The following TMEM184B variants were observed in gnomAD, a reference collection of about 807,000 sequenced individuals.
TMEM184B encodes transmembrane protein 184B.
Under a neutral mutation model 41.8 loss-of-function variants are expected in TMEM184B, and 17 were observed. That is an observed-to-expected ratio of 0.41 (90% CI 0.28 to 0.61). TMEM184B has a LOEUF of 0.61. TMEM184B is among the 20% of genes least tolerant of loss of function. The pLI, the probability that TMEM184B is intolerant of heterozygous loss-of-function variation, is 0.34. For missense variants in TMEM184B, 393 were observed against 557.8 expected (o/e 0.70, Z 2.98); for synonymous variants, 240 against 229.5 (o/e 1.05, Z -0.41).
rs1016844476 is a variant in TMEM184B, at chr22:38,229,113, C to G, written c.525+1556G>C. 5.9e-5 allele frequency among the ~76,000 whole-genome samples: 9 copies of G among 152,394 alleles called. No homozygotes were observed. The East Asian group carries it at 1.7e-3, about 29-fold the overall frequency. On this transcript the variant is annotated intron_variant, in intron 5 of 8. Coordinates refer to ENST00000361906, the MANE Select transcript of TMEM184B (RefSeq NM_012264.5). ...GGTGGAGGCTTTGTGGGTGTGCCCG[C>G]CCTGTGGCCTGGGCCCTGCACAGAA...
chr22:38,219,774 G>A lies in TMEM184B; in HGVS notation c.*1695C>T, dbSNP rs745866970. 79 of 985,494 alleles carry A rather than the reference G, an allele frequency of 8.0e-5. No individual in the cohort carries two copies. Among genetic ancestry groups the A allele is most frequent in the Non-Finnish European group, 9.3e-5 (77 of 830,070 alleles). The allele number at this position is 985,494 out of a possible 1,614,324, so 61.0% of individuals were successfully genotyped here. On this transcript the variant is annotated 3_prime_UTR_variant, in exon 9 of 9. Coordinates refer to ENST00000361906, the MANE Select transcript of TMEM184B (RefSeq NM_012264.5). Reference sequence around the variant, plus strand: ...AGACAGCTTGGTGAAAGCAGATGGCGGGGCAGGGCCAGGGCTGGTCCTCAG... The same window carrying A: ...AGACAGCTTGGTGAAAGCAGATGGCAGGGCAGGGCCAGGGCTGGTCCTCAG...
At position 38,219,661 on chromosome 22, in the gene TMEM184B, G is replaced by A. The variant is rs925183296; in HGVS notation, c.*1808C>T. ...CCACTGAGCTCCCCCCACCCTCCAC[G>A]CAAACAGCAACGCTGGGCAGGCGAA... On this transcript the variant is annotated 3_prime_UTR_variant, in exon 9 of 9. Coordinates refer to ENST00000361906, the MANE Select transcript of TMEM184B (RefSeq NM_012264.5). 10 of 985,394 alleles carry A rather than the reference G, an allele frequency of 1.0e-5. No homozygotes were observed. In the East Asian group the frequency reaches 5.7e-4, roughly 56 times the overall value. 61.0% of individuals were successfully genotyped at this position (985,394 alleles called of 1,614,324 possible).
chr22:38,237,422 A>G (rs2091802687), intron 3 of TMEM184B, among the ~76,000 whole-genome samples: 1 of 152,134 alleles, frequency 6.6e-6, no homozygotes, highest in African/African-American at 2.4e-5. Flanking sequence ...TGCGTGCGGG[A>G]CCCCGATGAC....
chr22:38,256,066 T>C (rs2092273157), intron 1 of TMEM184B, among the ~76,000 whole-genome samples: 1 of 152,180 alleles, frequency 6.6e-6, no homozygotes, highest in Admixed American at 6.5e-5. Context: ...AATAGTACTG[T>C]TGGGCTGGGC....
chr22:38,229,031 T>C (rs1306027296), intron 5 of TMEM184B, among the ~76,000 whole-genome samples: 2 of 152,230 alleles, frequency 1.3e-5, no homozygotes, highest in African/African-American at 4.8e-5. Context: ...ATTCTGAATT[T>C]AGGAACATGC....
In TMEM184B at chr22:38,219,589, G is replaced by A. The variant is rs1006434863; in HGVS notation, c.*1880C>T. On this transcript the variant is annotated 3_prime_UTR_variant, in exon 9 of 9. Coordinates refer to ENST00000361906, the MANE Select transcript of TMEM184B (RefSeq NM_012264.5). ...AGGAGGAGGAGGGGATGGAGCGGTC[G>A]GGCACATGTTCCCGTCCCCACGACC... 2.2e-4 allele frequency: 217 copies of A among 984,896 alleles called. 1 individual carries two copies. The highest frequency in any genetic ancestry group is 5.5e-4 in the Admixed American group (9 of 16,220). 61.0% of individuals were successfully genotyped at this position (984,896 alleles called of 1,614,324 possible). A position where few individuals can be genotyped will look rare whatever the true frequency, so the allele number is the denominator to read the frequency against.
At chr22:38,253,839 G>C (rs1602465656) in intron 1 of TMEM184B, among the ~76,000 whole-genome samples, 1 of 152,256 alleles carries the variant, frequency 6.6e-6, no homozygotes, top group Middle Eastern at 3.4e-3. Flanking sequence ...GCCACAGAGT[G>C]GAAGAATATA....
chr22:38,272,362 G>A (rs146689951), intron 1 of TMEM184B: 9,295 of 611,042 alleles, frequency 0.015, 87 homozygotes, highest in Middle Eastern at 0.031. Context: ...GGTCCCAGTC[G>A]ATCCCCTTCC....
chr22:38,227,935 C>G (rs2091492582), intron 5 of TMEM184B, among the ~76,000 whole-genome samples: 1 of 152,224 alleles, frequency 6.6e-6, no homozygotes, highest in Admixed American at 6.5e-5. Context: ...GCAAATAAAT[C>G]TAAGCCCTAA....
At position 38,220,829 on chromosome 22, in the gene TMEM184B, C is replaced by G. The variant is rs1297854426; in HGVS notation, c.*640G>C. ...AGGGGCCCAGAAGCCCCTGCTTCAA[C>G]AGAAGCGGTGCCCAGGGGCCCTGAA... On this transcript the variant is annotated 3_prime_UTR_variant, in exon 9 of 9. Coordinates refer to ENST00000361906, the MANE Select transcript of TMEM184B (RefSeq NM_012264.5). The G allele has an allele frequency of 2.0e-6, 2 of 985,986 alleles. No individual in the cohort carries two copies. Among genetic ancestry groups the G allele is most frequent in the African/African-American group, 1.7e-5 (1 of 57,250 alleles). 61.1% of individuals were successfully genotyped at this position (985,986 alleles called of 1,614,324 possible).
At chr22:38,246,581 A>G (rs575012169) in intron 2 of TMEM184B, 1 of 293,218 alleles carries the variant, frequency 3.4e-6, no homozygotes, top group African/African-American at 2.2e-5. Flanking sequence ...GGCAAGACAG[A>G]CGCAGCCCTC....
intron 3 of TMEM184B, 98 bp from the exon 4 acceptor site, chr22:38,231,432 TG>T (rs766526274): frequency 1.0e-6 from 1 of 989,006 alleles, no homozygotes; most frequent in South Asian, 1.3e-5. Context: ...GAGCCACAGC[TG>T]TGTGTGGCAA....
chr22:38,219,907 G>C lies in TMEM184B; in HGVS notation c.*1562C>G. The C allele has an allele frequency of 2.0e-6, 2 of 985,426 alleles. No homozygotes were observed. The highest frequency in any genetic ancestry group is 2.4e-6 in the Non-Finnish European group (2 of 829,950). 61.0% of individuals were successfully genotyped at this position (985,426 alleles called of 1,614,324 possible). ...GCACCCACATGCAGGCCTCTGCCAC[G>C]AGGAAAGGAAGGAGGCCAGGAAGAC... On this transcript the variant is annotated 3_prime_UTR_variant, in exon 9 of 9. Coordinates refer to ENST00000361906, the MANE Select transcript of TMEM184B (RefSeq NM_012264.5).
intron 1 of TMEM184B, among the ~76,000 whole-genome samples, chr22:38,260,979 G>A (rs1569053955): frequency 6.6e-6 from 1 of 152,168 alleles, no homozygotes; most frequent in Non-Finnish European, 1.5e-5. Flanking sequence ...GCCTGGGAGG[G>A]CTTTTGTTCT....
chr22:38,260,996 T>C (rs769689674), intron 1 of TMEM184B, among the ~76,000 whole-genome samples: 7 of 152,200 alleles, frequency 4.6e-5, no homozygotes, highest in Non-Finnish European at 8.8e-5. Flanking sequence ...TTCTCTTATT[T>C]AATATAGATG....
intron 1 of TMEM184B, among the ~76,000 whole-genome samples, chr22:38,269,732 T>G (rs184232427): frequency 5.3e-5 from 8 of 152,142 alleles, no homozygotes; most frequent in Non-Finnish European, 1.2e-4. Context: ...GAGAAGCCAG[T>G]TCCCAGCAGG....
At chr22:38,255,398 T>G (rs893905998) in intron 1 of TMEM184B, among the ~76,000 whole-genome samples, 2 of 152,054 alleles carry the variant, frequency 1.3e-5, no homozygotes, top group Non-Finnish European at 2.9e-5. Context: ...GGTCTTGAAC[T>G]CCTGACCTTG....
chr22:38,250,767 G>A (rs2092145034), intron 1 of TMEM184B, among the ~76,000 whole-genome samples: 1 of 152,202 alleles, frequency 6.6e-6, no homozygotes, highest in South Asian at 2.1e-4. Context: ...CTCCCAGGCA[G>A]AGGGGCAACC....
intron 3 of TMEM184B, among the ~76,000 whole-genome samples, chr22:38,245,530 G>A (rs989881336): frequency 1.4e-5 from 2 of 146,682 alleles, no homozygotes; most frequent in East Asian, 2.0e-4. Context: ...ACTAAGAAGC[G>A]AGACCCAGGG....
Sources: gnomAD v4.1 joint callset for allele counts (sites outside exome capture counted in the v4.1 genomes callset) on GRCh38, gnomAD v4.1.1 for gene constraint, MANE v1.5 for transcripts, NCBI Gene and HGNC (gene_info 2026-07-23, HGNC 2026-07-21) for gene names.